VPS13C: variants seen among roughly 807,000 people sequenced by gnomAD.
VPS13C encodes vacuolar protein sorting 13 homolog C, also known as intermembrane lipid transfer protein VPS13C.
Under a neutral mutation model 456.8 loss-of-function variants are expected in VPS13C, and 358 were observed. That is an observed-to-expected ratio of 0.78 (90% CI 0.72 to 0.86). VPS13C has a LOEUF of 0.86. Among genes scored for constraint, VPS13C ranks in the 40% least tolerant of loss-of-function variants. The probability of loss-of-function intolerance (pLI) is 0.00; values close to 1 mark genes in which losing one functional copy is unlikely to be tolerated. For missense variants in VPS13C, 4,818 were observed against 4,385.4 expected (o/e 1.10, Z -2.79); for synonymous variants, 1,578 against 1,486.7 (o/e 1.06, Z -1.41).
At chr15:62,048,380 T>C (rs2048500078) in intron 1 of VPS13C, among the ~76,000 whole-genome samples, 1 of 151,680 alleles carries the variant, frequency 6.6e-6, no homozygotes, top group African/African-American at 2.4e-5. Flanking sequence ...TGCGATAGTT[T>C]ACTGAGAATG....
chr15:61,935,138 C>G (rs1469510968), intron 48 of VPS13C, among the ~76,000 whole-genome samples: 1 of 152,134 alleles, frequency 6.6e-6, no homozygotes, highest in East Asian at 1.9e-4. Context: ...AAACAGAGTT[C>G]ACATATGATG....
intron 47 of VPS13C, among the ~76,000 whole-genome samples, chr15:61,940,189 A>G (rs2044371469): frequency 6.6e-6 from 1 of 152,172 alleles, no homozygotes; most frequent in African/African-American, 2.4e-5. Context: ...CCCTCTACAC[A>G]TTTAAAAATA....
At chr15:61,909,277 G>A (rs1465363226) in intron 64 of VPS13C, 152 bp from the exon 65 acceptor site, 25 of 886,704 alleles carry the variant, frequency 2.8e-5, no homozygotes, top group Non-Finnish European at 2.8e-5. Context: ...GCGCCATCTC[G>A]GGTTACTGCA....
At position 62,000,128 on chromosome 15, in the gene VPS13C, G is replaced by A. The variant is rs150108223; in HGVS notation, c.1353+436C>T. 9.9e-3 allele frequency among the ~76,000 whole-genome samples: 1,512 copies of A among 152,180 alleles called. 31 individuals carry two copies. Among genetic ancestry groups the A allele is most frequent in the African/African-American group, 0.035 (1,446 of 41,502 alleles). ...TGTAATCCCAGCACTTTGAGAGGCC[G>A]AGGTGAGTGGATCACCTGAGGTCAG... On this transcript the variant is annotated intron_variant, in intron 16 of 84. Coordinates refer to ENST00000644861, the MANE Select transcript of VPS13C (RefSeq NM_020821.3).
At chr15:61,918,970 T>A (rs1329825123) in intron 58 of VPS13C, among the ~76,000 whole-genome samples, 7 of 152,018 alleles carry the variant, frequency 4.6e-5, no homozygotes, top group Non-Finnish European at 1.0e-4. Context: ...CTAACTACAA[T>A]TACAATAATC....
chr15:62,035,327 G>T (rs191960939), intron 3 of VPS13C, among the ~76,000 whole-genome samples: 1 of 151,612 alleles, frequency 6.6e-6, no homozygotes, highest in African/African-American at 2.4e-5. Context: ...AAATGAATAA[G>T]TCAGCTATTA....
rs778949090 is a variant in VPS13C at position 61,922,773 on chromosome 15, G to T, written c.6610-11C>A. 1.7e-4 allele frequency: 263 copies of T among 1,544,368 alleles called. No individual in the cohort carries two copies. Among genetic ancestry groups the T allele is most frequent in the Non-Finnish European group, 2.2e-4 (253 of 1,151,430 alleles). On this transcript the variant is annotated splice_polypyrimidine_tract_variant and intron_variant, in intron 53 of 84. Transcript: ENST00000644861. ...AATTATGGGTGAAATCTTTAAAAAA[G>T]AAAGCAGAAAAATATTTATAATAAA...
intron 24 of VPS13C, among the ~76,000 whole-genome samples, chr15:61,976,689 A>C (rs1412654260): frequency 6.6e-6 from 1 of 152,076 alleles, no homozygotes; most frequent in African/African-American, 2.4e-5. Context: ...TAAAAACAGT[A>C]TAAACATTTC....
In VPS13C at chr15:61,977,112, G is replaced by T. The variant is rs1374162558; in HGVS notation, c.2378C>A (p.Ala793Asp). 2 of 1,600,874 alleles carry T rather than the reference G, an allele frequency of 1.2e-6. No homozygotes were observed. The highest frequency in any genetic ancestry group is 1.7e-6 in the Non-Finnish European group (2 of 1,174,222). Residue 793 changes from alanine (A) to aspartate (D), a missense_variant, in exon 24 of 85, where the codon GCC becomes GAC. This residue lies in a region of VPS13C where 4,552 missense variants were observed against 4,130.6 expected (regional missense o/e 1.10). Coordinates refer to ENST00000644861, the MANE Select transcript of VPS13C (RefSeq NM_020821.3). ...CATTCTAATGTCTTTTTCTACCATG[G>T]CCTTAGCCAACTCAACATGAATATC... ...PMDIHVELAK[A>D]MVEKDIRMAR...
chr15:61,954,723 A>G (rs895450180), intron 37 of VPS13C, among the ~76,000 whole-genome samples, 169 bp from the exon 38 acceptor site: 1 of 152,188 alleles, frequency 6.6e-6, no homozygotes, highest in African/African-American at 2.4e-5. Context: ...AGACATATAC[A>G]TTTAAAATAC....
chr15:62,008,811 A>T, intron 13 of VPS13C, 50 bp from the exon 14 acceptor site: 1 of 1,134,526 alleles, frequency 8.8e-7, no homozygotes, highest in Non-Finnish European at 1.2e-6. Flanking sequence ...TATATAAAAA[A>T]AAGACTAAAT....
chr15:61,952,702 G>C (rs565802643), intron 38 of VPS13C, among the ~76,000 whole-genome samples: 8 of 151,490 alleles, frequency 5.3e-5, no homozygotes, highest in African/African-American at 1.9e-4. Context: ...TCCTTTAAAA[G>C]TTTGTTTGTT....
intron 5 of VPS13C, 141 bp downstream of exon 5, chr15:62,033,300 T>C (rs901595493): frequency 6.7e-6 from 3 of 446,714 alleles, no homozygotes; most frequent in African/African-American, 2.0e-5. Context: ...CATGAAAATA[T>C]AAGCAATATT....
chr15:61,985,446 G>A (rs946502448), intron 18 of VPS13C, among the ~76,000 whole-genome samples: 1 of 151,980 alleles, frequency 6.6e-6, no homozygotes, highest in Admixed American at 6.6e-5. Flanking sequence ...TAGTAGAGAT[G>A]GGGTTTCACC....
chr15:61,928,935 G>C (rs908841647), intron 51 of VPS13C, among the ~76,000 whole-genome samples: 14 of 151,268 alleles, frequency 9.3e-5, no homozygotes, highest in African/African-American at 3.4e-4. Context: ...GAACAGGAAA[G>C]AAAAGGAAAG....
rs745918169 is a variant in VPS13C at position 61,983,887 on chromosome 15, G to A, written c.1847C>T (p.Pro616Leu). The A allele has an allele frequency of 1.2e-5, 20 of 1,613,932 alleles. No homozygotes were observed. The highest frequency in any genetic ancestry group is 8.3e-5 in the Admixed American group (5 of 59,996). Residue 616 changes from proline (P) to leucine (L), a missense_variant, in exon 20 of 85, where the codon CCG becomes CTG. Transcript: ENST00000644861. ...AGTCTGGTCAGCAGGACTATCCTCC[G>A]GATTGGTTTCAAATTTAATTTTAAG... Reference protein sequence around the residue: ...SLLKIKFETNPEDSPADQTLI... With the variant: ...SLLKIKFETNLEDSPADQTLI...
At chr15:61,889,734 GT>G (rs369452434) in intron 67 of VPS13C, among the ~76,000 whole-genome samples, 39 of 152,074 alleles carry the variant, frequency 2.6e-4, no homozygotes, top group Middle Eastern at 3.4e-3. Context: ...GTTTCTGTTG[GT>G]TTCCCCCTAA....
rs186633930 is a variant in VPS13C at position 61,861,047 on chromosome 15, C to T, written c.10952+2393G>A. ...CACAATCTCAGCTCACTGCAACCTTCGCCTCCCAGGTTTAAGTGATTCTCT... is the reference window on the plus strand; with the variant it reads ...CACAATCTCAGCTCACTGCAACCTTTGCCTCCCAGGTTTAAGTGATTCTCT... On this transcript the variant is annotated intron_variant, in intron 82 of 84. Transcript: ENST00000644861. 1.5e-3 allele frequency among the ~76,000 whole-genome samples: 211 copies of T among 144,976 alleles called. 2 individuals carry two copies. In the East Asian group the frequency reaches 0.019, roughly 13 times the overall value.
chr15:62,044,713 A>G lies in VPS13C; in HGVS notation c.101-458T>C, dbSNP rs1040295504. Among the ~76,000 whole-genome samples the G allele has an allele frequency of 2.0e-5, 3 of 152,122 alleles. No homozygotes were observed. In the East Asian group the frequency reaches 5.8e-4, roughly 29 times the overall value. On this transcript the variant is annotated intron_variant, in intron 1 of 84. Transcript: ENST00000644861. ...AGTCTTTCATGTCTCCAAACATTCT[A>G]CCTTCCCAATGATTACTGTATGTGC... is the stretch of plus-strand genomic sequence containing the variant.
Sources: gnomAD v4.1 joint callset for allele counts (sites outside exome capture counted in the v4.1 genomes callset) on GRCh38, gnomAD v4.1.1 for gene constraint, gnomAD v4.1.1 regional missense constraint, MANE v1.5 for transcripts, NCBI Gene and HGNC (gene_info 2026-07-23, HGNC 2026-07-21) for gene names.